The following FGFR1 variants were observed in gnomAD, a reference collection of about 807,000 sequenced individuals.
FGFR1 encodes fibroblast growth factor receptor 1.
A neutral mutation model predicts 93.7 loss-of-function variants in FGFR1; 18 were observed. The ratio of observed to expected loss-of-function variants is 0.19; its 90% CI spans 0.13 to 0.28. The LOEUF (loss-of-function observed/expected upper bound fraction) is 0.28, where lower values mean the gene tolerates loss of function less well. Among genes scored for constraint, FGFR1 ranks in the 10% least tolerant of loss-of-function variants. The pLI is 1.00. For synonymous variants in FGFR1, 448 were observed against 429.3 expected, an observed-to-expected ratio of 1.04 and a Z score of -0.54; for missense variants, 731 against 1,080.4, an observed-to-expected ratio of 0.68 and a Z score of 4.53.
At chr8:38,416,472 T>TG (rs1816678638) in intron 12 of FGFR1, among the ~76,000 whole-genome samples, 1 of 130,494 alleles carries the variant, frequency 7.7e-6, no homozygotes, top group East Asian at 2.4e-4. Flanking sequence ...TTTTTTTTTT[T>TG]TTGAGATGGA....
At position 38,418,248 on chromosome 8, in the gene FGFR1, G is replaced by A. The variant is rs752029787; in HGVS notation, c.1410C>T (p.Arg470=). The change falls in exon 10 of 18, where the codon CGC becomes CGT. Residue 470 remains arginine (R), a synonymous_variant. Coordinates refer to ENST00000447712, the MANE Select transcript of FGFR1 (RefSeq NM_023110.3). ...ATTACCTGTCCCGAGGCAGCTCCCA[G>A]CGAGGGTCTTCGGGAAGCTCATACT... is the stretch of plus-strand genomic sequence containing the variant. ...VSEYELPEDP[R]WELPRDRLVL... The A allele has an allele frequency of 6.2e-7, 1 of 1,614,220 alleles. No homozygotes were observed. The highest frequency in any genetic ancestry group is 1.1e-5 in the South Asian group (1 of 91,084).
intron 2 of FGFR1, among the ~76,000 whole-genome samples, chr8:38,444,218 C>G (rs1828550069): frequency 2.0e-5 from 3 of 152,124 alleles, no homozygotes; most frequent in South Asian, 2.1e-4. Flanking sequence ...TCTGGGACCA[C>G]TGGTCTGTTC....
intron 2 of FGFR1, among the ~76,000 whole-genome samples, chr8:38,433,323 T>C (rs1824002349): frequency 6.6e-6 from 1 of 152,160 alleles, no homozygotes; most frequent in South Asian, 2.1e-4. Flanking sequence ...AGACCCTTTT[T>C]TTTTTTTAAG....
At position 38,429,292 on chromosome 8, in the gene FGFR1, GC is replaced by G. The variant is rs1563510979; in HGVS notation, c.358+389del. 1 of 534,080 alleles carries G rather than the reference GC, an allele frequency of 1.9e-6. No individual in the cohort carries two copies. Among genetic ancestry groups the G allele is most frequent in the Admixed American group, 2.0e-5 (1 of 50,478 alleles). The allele number at this position is 534,080 out of a possible 1,614,324, so 33.1% of individuals were successfully genotyped here. ...GCAGGGATACCACCACCTGTTCAGG[GC>G]CTCTAATCACTAAGCCGAGTACCAA... is the stretch of plus-strand genomic sequence containing the variant. On this transcript the variant is annotated intron_variant, in intron 3 of 17. Transcript: ENST00000447712. This position sits in a 1 kb window ranked among gnomAD's most constrained non-coding sequence, Gnocchi z 4.4.
At chr8:38,447,229 G>C (rs1419799870) in intron 2 of FGFR1, among the ~76,000 whole-genome samples, 1 of 151,452 alleles carries the variant, frequency 6.6e-6, no homozygotes, top group Non-Finnish European at 1.5e-5. Context: ...TTCAGAAGTT[G>C]GTCCACCTAG....
At chr8:38,465,893 C>G (rs2151480595) in intron 1 of FGFR1, 3 of 224,936 alleles carry the variant, frequency 1.3e-5, no homozygotes, top group Non-Finnish European at 2.7e-5. Context: ...GAAACAGTCA[C>G]CTTAATTACC....
intron 2 of FGFR1, chr8:38,435,115 C>A (rs761076788): frequency 6.6e-6 from 1 of 152,280 alleles, no homozygotes; most frequent in Non-Finnish European, 1.5e-5. Flanking sequence ...GATGAGCCAC[C>A]CGCCTCAGCC....
chr8:38,463,788 C>T (rs1014675308), intron 1 of FGFR1, among the ~76,000 whole-genome samples: 1 of 152,150 alleles, frequency 6.6e-6, no homozygotes, highest in East Asian at 1.9e-4. Context: ...GAGGAAGTAA[C>T]ACCAAAACAT....
rs375914079 is a variant in FGFR1, at chr8:38,418,358, T to C, written c.1300A>G (p.Ser434Gly). ...RRQVTVSADS[S>G]ASMNSGVLLV... ...AGAACCCCAGAGTTCATGGATGCAC[T>C]GGAGTCAGCAGACACCTGCAAGGAA... The change falls in exon 10 of 18, where the codon AGT becomes GGT. Residue 434 changes from serine (S) to glycine (G), a missense_variant. Around this residue, in one of 10 missense-constraint regions of FGFR1, gnomAD observed 146 missense variants for 173.0 expected, o/e 0.84. Coordinates refer to ENST00000447712, the MANE Select transcript of FGFR1 (RefSeq NM_023110.3). The C allele has an allele frequency of 1.9e-6, 3 of 1,613,924 alleles. No homozygotes were observed. The highest frequency in any genetic ancestry group is 2.5e-6 in the Non-Finnish European group (3 of 1,179,980).
rs1399523084 is a variant in FGFR1 at position 38,416,015 on chromosome 8, C to T, written c.1709G>A (p.Arg570Gln). ...IVEYASKGNLREYLQARRPPG... is the reference protein window; with the variant it reads ...IVEYASKGNLQEYLQARRPPG... ...GGGCCTCCGGGCCTGCAGGTACTCCCGCAGGTTGCCCTTGGAGGCATACTC... is the reference window on the plus strand; with the variant it reads ...GGGCCTCCGGGCCTGCAGGTACTCCTGCAGGTTGCCCTTGGAGGCATACTC... Residue 570 changes from arginine (R) to glutamine (Q), a missense_variant, in exon 13 of 18, where the codon CGG (arginine) becomes CAG (glutamine). By Grantham distance (43) the Arg-to-Gln change is conservative (BLOSUM62 1). Coordinates refer to ENST00000447712, the MANE Select transcript of FGFR1 (RefSeq NM_023110.3). The T allele has an allele frequency of 1.2e-6, 2 of 1,613,736 alleles. No individual in the cohort carries two copies. The highest frequency in any genetic ancestry group is 1.7e-6 in the Non-Finnish European group (2 of 1,179,960).
intron 8 of FGFR1, 37 bp from the exon 9 acceptor site, chr8:38,419,772 G>C: frequency 1.3e-6 from 2 of 1,591,342 alleles, no homozygotes; most frequent in Non-Finnish European, 8.6e-7. Context: ...CAGGCTTGGA[G>C]GGCCCCGTCC....
At chr8:38,454,486 T>C (rs2151303929) in intron 2 of FGFR1, among the ~76,000 whole-genome samples, 1 of 152,310 alleles carries the variant, frequency 6.6e-6, no homozygotes, top group East Asian at 1.9e-4. Flanking sequence ...AGTCTCCAGT[T>C]GCCCACAGTT....
At position 38,429,664 on chromosome 8, in the gene FGFR1, C is replaced by A. The variant is rs375458309; in HGVS notation, c.358+18G>T. The A allele has an allele frequency of 8.0e-5, 125 of 1,559,064 alleles. No homozygotes were observed. Among genetic ancestry groups the A allele is most frequent in the Non-Finnish European group, 1.0e-4 (120 of 1,151,130 alleles). Reference sequence around the variant, plus strand: ...GGGTGGGTCTAGGGAGGGGCAAGGGCAGGGCTTGGCTACCAACCTGAAACA... The same window carrying A: ...GGGTGGGTCTAGGGAGGGGCAAGGGAAGGGCTTGGCTACCAACCTGAAACA... On this transcript the variant is annotated intron_variant, in intron 3 of 17. Coordinates refer to ENST00000447712, the MANE Select transcript of FGFR1 (RefSeq NM_023110.3). The surrounding 1 kb of genome is among the most constrained non-coding windows in gnomAD (Gnocchi z 4.4).
chr8:38,435,886 T>C (rs1432174802), intron 2 of FGFR1, among the ~76,000 whole-genome samples: 1 of 152,196 alleles, frequency 6.6e-6, no homozygotes, highest in Non-Finnish European at 1.5e-5. Flanking sequence ...GATACAAAGG[T>C]TGTCCTCAAA....
intron 15 of FGFR1, 75 bp from the exon 16 acceptor site, chr8:38,414,364 G>A (rs1270424519): frequency 6.2e-7 from 1 of 1,607,894 alleles, no homozygotes; most frequent in Non-Finnish European, 8.5e-7. Flanking sequence ...CCTCTACCCA[G>A]GGCAGTGCCA....
intron 1 of FGFR1, among the ~76,000 whole-genome samples, chr8:38,457,803 C>T (rs181874930): frequency 1.4e-3 from 220 of 152,022 alleles, no homozygotes; most frequent in African/African-American, 4.7e-3. Flanking sequence ...CTGGCCATGG[C>T]GAAACCCCGT....
intron 8 of FGFR1, 82 bp from the exon 9 acceptor site, chr8:38,419,817 T>C (rs1586204151): frequency 5.0e-6 from 6 of 1,208,160 alleles, no homozygotes; most frequent in African/African-American, 1.5e-5. Context: ...AAGCAACACC[T>C]GTCTCCTGTC....
intron 12 of FGFR1, among the ~76,000 whole-genome samples, chr8:38,416,321 G>C (rs1428052273): frequency 2.0e-5 from 3 of 152,140 alleles, no homozygotes; most frequent in Admixed American, 1.3e-4. Flanking sequence ...GTCTCACTCT[G>C]TTGCCCAGGC....
Position 38,424,417 on chromosome 8 carries a change from G to A in FGFR1, c.936+92C>T. On this transcript the variant is annotated intron_variant, in intron 7 of 17. Coordinates refer to ENST00000447712, the MANE Select transcript of FGFR1 (RefSeq NM_023110.3). This position sits in a 1 kb window ranked among gnomAD's most constrained non-coding sequence, Gnocchi z 4.3. Reference sequence around the variant, plus strand: ...AAGCGTGAGGAATGATCCCATTCGGGGGCAACTGAGCCTGCCCACAGGAAC... The same window carrying A: ...AAGCGTGAGGAATGATCCCATTCGGAGGCAACTGAGCCTGCCCACAGGAAC... 7.2e-7 allele frequency: 1 copy of A among 1,392,168 alleles called. No homozygotes were observed. Among genetic ancestry groups the A allele is most frequent in the Middle Eastern group, 1.8e-4 (1 of 5,658 alleles). The allele number at this position is 1,392,168 out of a possible 1,614,324, so 86.2% of individuals were successfully genotyped here.
Sources: gnomAD v4.1 joint callset for allele counts (sites outside exome capture counted in the v4.1 genomes callset) on GRCh38, gnomAD v4.1.1 for gene constraint, gnomAD v4.1.1 regional missense constraint, Gnocchi (gnomAD v3.1) non-coding constraint, MANE v1.5 for transcripts, NCBI Gene and HGNC (gene_info 2026-07-23, HGNC 2026-07-21) for gene names.